UBE2D3: variants seen among roughly 807,000 people sequenced by gnomAD.
UBE2D3 encodes the protein ubiquitin conjugating enzyme E2 D3, also known as ubiquitin-conjugating enzyme E2 D3.
In UBE2D3, 2 loss-of-function variants were observed where a neutral mutation model predicts 22.8. That is an observed-to-expected ratio of 0.09 (90% CI 0.04 to 0.28). The LOEUF (loss-of-function observed/expected upper bound fraction) is 0.28, where lower values mean the gene tolerates loss of function less well. UBE2D3 is among the 10% of genes least tolerant of loss of function. UBE2D3 has a pLI of 1.00. For synonymous variants in UBE2D3, 56 were observed against 60.4 expected, an observed-to-expected ratio of 0.93 and a Z score of 0.34; for missense variants, 27 against 182.5, an observed-to-expected ratio of 0.15 and a Z score of 4.91.
chr4:102,808,513 G>A lies in UBE2D3; in HGVS notation c.120+1159C>T, dbSNP rs1250601832. 2.6e-5 allele frequency among the ~76,000 whole-genome samples: 4 copies of A among 152,094 alleles called. 1 individual carries two copies. The highest frequency in any genetic ancestry group is 2.0e-4 in the Admixed American group (3 of 15,268). On this transcript the variant is annotated intron_variant, in intron 4 of 7. Transcript: ENST00000453744. The stretch of plus-strand genomic sequence containing the variant: ...AACTTAATATTTGCACCCCTGCCAT[G>A]TCTTACTTTGATTTAGTTTTTCTAC...
intron 6 of UBE2D3, among the ~76,000 whole-genome samples, chr4:102,800,540 T>C (rs994346181): frequency 6.6e-6 from 1 of 152,070 alleles, no homozygotes; most frequent in Non-Finnish European, 1.5e-5. Context: ...TGGAAACTGA[T>C]ATTTAGGTAT....
At chr4:102,839,672 G>GT (rs780830312) in intron 1 of UBE2D3, among the ~76,000 whole-genome samples, 10 of 152,188 alleles carry the variant, frequency 6.6e-5, no homozygotes, top group Non-Finnish European at 1.2e-4. Context: ...AGACACAAAT[G>GT]TAAGACCTGA....
Position 102,800,235 on chromosome 4 carries a change from A to T in UBE2D3, c.305-735T>A, listed in dbSNP as rs184687128. Reference sequence around the variant, plus strand: ...AAATGGTTCTGACCGATTTTTTTTTAAAAAAAGCAATAGTATAAAAAAGAC... The same window carrying T: ...AAATGGTTCTGACCGATTTTTTTTTTAAAAAAGCAATAGTATAAAAAAGAC... On this transcript the variant is annotated intron_variant, in intron 6 of 7. Transcript: ENST00000453744. Among the ~76,000 whole-genome samples the T allele has an allele frequency of 3.4e-3, 509 of 150,142 alleles. 5 individuals are homozygous for T. In the East Asian group the frequency reaches 0.04, roughly 12 times the overall value.
chr4:102,868,862 A>T (rs878968221), exon 1 of UBE2D3: 34 of 1,481,470 alleles, frequency 2.3e-5, no homozygotes, highest in Non-Finnish European at 3.0e-5. Flanking sequence ...GGGCCTCGCT[A>T]CCCGCCAGTT....
rs1725211297 is a variant in UBE2D3 at position 102,795,776 on chromosome 4, T to A, written c.*1639A>T. On this transcript the variant is annotated 3_prime_UTR_variant, in exon 8 of 8. Coordinates refer to ENST00000453744, the MANE Select transcript of UBE2D3 (RefSeq NM_181891.3). The stretch of plus-strand genomic sequence containing the variant: ...CAAGGAATAAGATTGCACGTAAGTG[T>A]AAGCAGTGCAAAAATGTGGAAGTGG... 2 of 152,074 alleles carry A rather than the reference T, an allele frequency of 1.3e-5. No individual in the cohort carries two copies. The highest frequency in any genetic ancestry group is 2.9e-5 in the Non-Finnish European group (2 of 67,940). The allele number at this position is 152,074 out of a possible 1,614,324, so 9.4% of individuals were successfully genotyped here.
At chr4:102,836,211 A>G (rs1231542875) in intron 1 of UBE2D3, among the ~76,000 whole-genome samples, 17 of 146,866 alleles carry the variant, frequency 1.2e-4, no homozygotes, top group Admixed American at 8.4e-4. Context: ...CAGTGGCGCA[A>G]TCTTGGCTTA....
intron 1 of UBE2D3, among the ~76,000 whole-genome samples, chr4:102,845,035 A>G (rs2110361047): frequency 6.6e-6 from 1 of 150,532 alleles, no homozygotes; most frequent in Admixed American, 6.6e-5. Flanking sequence ...AAAAAAAAAA[A>G]AAAAAGAATT....
intron 4 of UBE2D3, among the ~76,000 whole-genome samples, chr4:102,806,954 G>C (rs1408057514): frequency 6.6e-6 from 1 of 152,078 alleles, no homozygotes; most frequent in Non-Finnish European, 1.5e-5. Context: ...GAAAGAATAA[G>C]CCAGTACATA....
At chr4:102,807,463 CCCAA>C (rs778251202) in intron 4 of UBE2D3, among the ~76,000 whole-genome samples, 2 of 152,264 alleles carry the variant, frequency 1.3e-5, no homozygotes, top group Non-Finnish European at 2.9e-5. Flanking sequence ...TTGAAATTTA[CCCAA>C]CCAACAGTGA....
chr4:102,807,495 T>C (rs1481603166), intron 4 of UBE2D3, among the ~76,000 whole-genome samples: 4 of 152,200 alleles, frequency 2.6e-5, no homozygotes, highest in African/African-American at 9.6e-5. Context: ...CCTTTTTAAC[T>C]GAAAACATAT....
chr4:102,825,716 A>G, intron 2 of UBE2D3: 1 of 572,408 alleles, frequency 1.7e-6, no homozygotes, highest in African/African-American at 1.9e-5. Context: ...AGGCAAAAAT[A>G]GGTACATTAG....
Position 102,853,135 on chromosome 4 carries a change from A to ATTTTTTTTTT in UBE2D3, c.-129+15570_-129+15579dup, listed in dbSNP as rs151339235. Among the ~76,000 whole-genome samples, 76 of 88,596 alleles carry ATTTTTTTTTT rather than the reference A, an allele frequency of 8.6e-4. 16 individuals are homozygous for ATTTTTTTTTT. The highest frequency in any genetic ancestry group is 1.1e-3 in the African/African-American group (24 of 21,078). The allele number at this position is 88,596 out of a possible 152,430, so 58.1% of individuals were successfully genotyped here. A position where few individuals can be genotyped will look rare whatever the true frequency, so the allele number is the denominator to read the frequency against. ...GTCAAAATTACACACAAACACACAC[A>ATTTTTTTTTT]TTTTTTTTTTTTTTTTTTTTTTTTT... On this transcript the variant is annotated intron_variant, in intron 1 of 7. Transcript: ENST00000338145.
upstream of UBE2D3, chr4:102,828,120 C>A: frequency 1.0e-6 from 1 of 985,372 alleles, no homozygotes; most frequent in Non-Finnish European, 1.2e-6. Flanking sequence ...GGGCCACTGC[C>A]AGGAAAGCAA....
chr4:102,824,425 ATTTG>A (rs1418716398), intron 2 of UBE2D3, among the ~76,000 whole-genome samples: 1 of 152,220 alleles, frequency 6.6e-6, no homozygotes, highest in African/African-American at 2.4e-5. Flanking sequence ...GGAACTTAAA[ATTTG>A]TTTTGTTCAC....
intron 5 of UBE2D3, 90 bp downstream of exon 5, chr4:102,802,471 C>T: frequency 9.2e-7 from 1 of 1,088,740 alleles, no homozygotes; most frequent in Admixed American, 2.3e-5. Flanking sequence ...ATATATACAG[C>T]CTACACAGAA....
intron 2 of UBE2D3, among the ~76,000 whole-genome samples, chr4:102,820,339 T>A (rs1297762489): frequency 6.6e-6 from 1 of 152,164 alleles, no homozygotes; most frequent in African/African-American, 2.4e-5. Flanking sequence ...GAAGGATGCT[T>A]GGCAAAAAGA....
Position 102,859,586 on chromosome 4 carries a change from T to G in UBE2D3, c.-129+9129A>C, listed in dbSNP as rs58613587. ...ATTTTCCTCCCCAGATTTGGGCAGTTTTCTGCTATTATTTCTTTAAATAAG... is the reference window on the plus strand; with the variant it reads ...ATTTTCCTCCCCAGATTTGGGCAGTGTTCTGCTATTATTTCTTTAAATAAG... On this transcript the variant is annotated intron_variant, in intron 1 of 7. Transcript: ENST00000338145. 2.1e-3 allele frequency among the ~76,000 whole-genome samples: 321 copies of G among 152,080 alleles called. 5 individuals are homozygous for G. The highest frequency in any genetic ancestry group is 7.5e-3 in the African/African-American group (310 of 41,534).
At chr4:102,819,791 C>T (rs918163536) in intron 2 of UBE2D3, among the ~76,000 whole-genome samples, 2 of 152,172 alleles carry the variant, frequency 1.3e-5, no homozygotes, top group Admixed American at 1.3e-4. Flanking sequence ...GGACAGAACG[C>T]AGTAGTATAG....
chr4:102,802,795 GA>G (rs1484489531), intron 4 of UBE2D3, 157 bp from the exon 5 acceptor site: 2 of 457,836 alleles, frequency 4.4e-6, no homozygotes, highest in East Asian at 7.0e-5. Context: ...TATAGTAATA[GA>G]AAAAAACTTA....
Sources: allele counts gnomAD v4.1 joint callset (sites outside exome capture counted in the v4.1 genomes callset), GRCh38; gene constraint gnomAD v4.1.1; transcripts MANE v1.5; gene names NCBI Gene and HGNC (gene_info 2026-07-23, HGNC 2026-07-21).